Variants in NOTCH2NLR observed in about 807,000 individuals in gnomAD.
The protein encoded by NOTCH2NLR is notch 2 N-terminal like R.
Under a neutral mutation model 35.6 loss-of-function variants are expected in NOTCH2NLR, and 33 were observed. That is an observed-to-expected ratio of 0.93 (90% CI 0.70 to 1.24). The LOEUF is 1.24. Among genes scored for constraint, NOTCH2NLR ranks in the 50% most tolerant of loss-of-function variants. The probability of loss-of-function intolerance (pLI) is 0.00; values close to 1 mark genes in which losing one functional copy is unlikely to be tolerated. For synonymous variants in NOTCH2NLR, 103 were observed against 141.0 expected (o/e 0.73, Z 1.91); for missense variants, 276 against 362.2 (o/e 0.76, Z 1.93).
intron 2 of NOTCH2NLR, among the ~76,000 whole-genome samples, chr1:120,778,521 A>G (rs1651324883): frequency 1.2e-5 from 1 of 86,942 alleles, no homozygotes; most frequent in Admixed American, 1.1e-4. Context: ...GCTGTTTTGT[A>G]AAGCATGCCT....
At chr1:120,790,033 T>G (rs1458682679) in intron 3 of NOTCH2NLR, among the ~76,000 whole-genome samples, 2 of 77,148 alleles carry the variant, frequency 2.6e-5, no homozygotes, top group Admixed American at 1.2e-4. Flanking sequence ...TTTTTTTTTT[T>G]TGAGATGGAG....
Position 120,743,776 on chromosome 1 carries a change from G to T in NOTCH2NLR, c.73+19526G>T. Among the ~76,000 whole-genome samples, 2 of 125,074 alleles carry T rather than the reference G, an allele frequency of 1.6e-5. 1 individual carries two copies. The highest frequency in any genetic ancestry group is 4.3e-4 in the East Asian group (2 of 4,622). 82.1% of individuals were successfully genotyped at this position (125,074 alleles called of 152,430 possible). On this transcript the variant is annotated intron_variant, in intron 1 of 4. Transcript: ENST00000624419. ...GCCTGCATTCCAGAAGTTCTGGTATGGATAGTGTGAGCCCAGGGAATGTGC... is the reference window on the plus strand; with the variant it reads ...GCCTGCATTCCAGAAGTTCTGGTATTGATAGTGTGAGCCCAGGGAATGTGC...
intron 2 of NOTCH2NLR, among the ~76,000 whole-genome samples, chr1:120,767,998 C>G (rs1651212040): frequency 8.7e-6 from 1 of 114,576 alleles, no homozygotes; most frequent in Non-Finnish European, 1.7e-5. Context: ...CTTTACTTTA[C>G]ACATGTATGG....
At chr1:120,745,249 A>T (rs1210989297) in intron 1 of NOTCH2NLR, among the ~76,000 whole-genome samples, 1 of 108,062 alleles carries the variant, frequency 9.3e-6, no homozygotes. Context: ...CGAATGGGTC[A>T]TGAAACCAAT....
exon 4 of NOTCH2NLR, chr1:120,793,350 C>T: frequency 7.0e-7 from 1 of 1,419,234 alleles, no homozygotes; most frequent in Non-Finnish European, 9.4e-7. Flanking sequence ...CTCAACCTGC[C>T]TGGTTCCTAC....
At chr1:120,728,461 T>C (rs1181627109) in intron 1 of NOTCH2NLR, among the ~76,000 whole-genome samples, 2 of 114,622 alleles carry the variant, frequency 1.7e-5, no homozygotes, top group African/African-American at 5.2e-5. Context: ...GTGGGGTTTC[T>C]TTCTTTCTTT....
At position 120,763,655 on chromosome 1, in the gene NOTCH2NLR, C is replaced by G. The variant is rs1651157166; in HGVS notation, c.101C>G (p.Pro34Arg). The change falls in exon 2 of 5, where the codon CCC becomes CGC. Residue 34 changes from proline (P) to arginine (R), a missense_variant. Coordinates refer to ENST00000624419, the Ensembl canonical transcript of NOTCH2NLR. ...TTGCAGTGTCGAGATGGCTATGAAC[C>G]CTGTGTAAATAAAGGAATGTGTGTT... 10 of 1,411,522 alleles carry G rather than the reference C, an allele frequency of 7.1e-6. 2 individuals are homozygous for G. Among genetic ancestry groups the G allele is most frequent in the Non-Finnish European group, 8.5e-6 (9 of 1,053,812 alleles). 87.4% of individuals were successfully genotyped at this position (1,411,522 alleles called of 1,614,324 possible). A position where few individuals can be genotyped will look rare whatever the true frequency, so the allele number is the denominator to read the frequency against.
Position 120,769,906 on chromosome 1 carries a change from GAGGCAAGTA to G in NOTCH2NLR, c.155+6203_155+6211del, listed in dbSNP as rs1651242481. Among the ~76,000 whole-genome samples the G allele has an allele frequency of 1.9e-5, 2 of 106,256 alleles. 1 individual carries two copies. Among genetic ancestry groups the G allele is most frequent in the South Asian group, 5.9e-4 (2 of 3,366 alleles). The allele number at this position is 106,256 out of a possible 152,430, so 69.7% of individuals were successfully genotyped here. On this transcript the variant is annotated intron_variant, in intron 2 of 4. Transcript: ENST00000624419. ...TGAATGGCAGGGCTGGGACCATGGT[GAGGCAAGTA>G]AGGCACAGGCCTCTCTTGTGAAATT...
At chr1:120,733,154 A>G (rs1456621180) in intron 1 of NOTCH2NLR, among the ~76,000 whole-genome samples, 1 of 106,760 alleles carries the variant, frequency 9.4e-6, no homozygotes, top group Non-Finnish European at 1.7e-5. Flanking sequence ...GAACAGATCT[A>G]CATATATATA....
intron 2 of NOTCH2NLR, among the ~76,000 whole-genome samples, chr1:120,765,379 C>A: frequency 1.6e-5 from 1 of 62,108 alleles, no homozygotes; most frequent in East Asian, 3.0e-4. Context: ...GTTTCTTTTG[C>A]TAGAATGTGA....
intron 1 of NOTCH2NLR, among the ~76,000 whole-genome samples, chr1:120,733,170 G>T: frequency 1.9e-5 from 2 of 103,874 alleles, no homozygotes; most frequent in African/African-American, 6.0e-5. Context: ...ATATATATAT[G>T]CACACACACA....
intron 1 of NOTCH2NLR, among the ~76,000 whole-genome samples, chr1:120,748,113 CT>C (rs1186945714): frequency 0.48 from 14,182 of 29,676 alleles, 3,008 homozygotes; most frequent in Non-Finnish European, 0.55. Flanking sequence ...GTAAAGGCTC[CT>C]TTTTTTTTTT....
rs1216138820 is a variant in NOTCH2NLR, at chr1:120,775,710, T to C, written c.156-9264T>C. 7.2e-4 allele frequency among the ~76,000 whole-genome samples: 49 copies of C among 67,752 alleles called. 1 individual carries two copies. The highest frequency in any genetic ancestry group is 1.0e-3 in the Admixed American group (7 of 6,928). The allele number at this position is 67,752 out of a possible 152,430, so 44.4% of individuals were successfully genotyped here. A position where few individuals can be genotyped will look rare whatever the true frequency, so the allele number is the denominator to read the frequency against. On this transcript the variant is annotated intron_variant, in intron 2 of 4. Transcript: ENST00000624419. ...ACCACTTTGTAGGATTTTTTTTTTT[T>C]TTAGTCAGGGCTCCAGGTCCCTGGT...
At position 120,770,251 on chromosome 1, in the gene NOTCH2NLR, G is replaced by A. The variant is rs1651247463; in HGVS notation, c.155+6542G>A. On this transcript the variant is annotated intron_variant, in intron 2 of 4. Coordinates refer to ENST00000624419, the Ensembl canonical transcript of NOTCH2NLR. ...GTGGCGCTTTCTTGGCTCACTGCAAGCTCCGCCTCCCGGGTTCATGCCATT... is the reference window on the plus strand; with the variant it reads ...GTGGCGCTTTCTTGGCTCACTGCAAACTCCGCCTCCCGGGTTCATGCCATT... Among the ~76,000 whole-genome samples the A allele has an allele frequency of 2.9e-5, 3 of 104,112 alleles. 1 individual carries two copies. The highest frequency in any genetic ancestry group is 1.3e-4 in the African/African-American group (2 of 15,796). The allele number at this position is 104,112 out of a possible 152,430, so 68.3% of individuals were successfully genotyped here. A position where few individuals can be genotyped will look rare whatever the true frequency, so the allele number is the denominator to read the frequency against.
intron 1 of NOTCH2NLR, among the ~76,000 whole-genome samples, chr1:120,759,928 T>C (rs1191056191): frequency 9.8e-6 from 1 of 101,588 alleles, no homozygotes; most frequent in Non-Finnish European, 1.8e-5. Context: ...ACAAAAAAAT[T>C]CTTCTTGTGT....
chr1:120,783,842 TA>T (rs1297029960), intron 2 of NOTCH2NLR, among the ~76,000 whole-genome samples: 1 of 108,802 alleles, frequency 9.2e-6, no homozygotes, highest in Non-Finnish European at 1.7e-5. Flanking sequence ...GAAGCCAAGG[TA>T]AAATGATTAA....
chr1:120,747,463 C>G (rs1650990145), intron 1 of NOTCH2NLR, among the ~76,000 whole-genome samples: 1 of 29,388 alleles, frequency 3.4e-5, no homozygotes, highest in Admixed American at 2.9e-4. Context: ...CATATGTATC[C>G]TACTTTATGA....
At chr1:120,724,740 G>C (rs1395648967) in intron 1 of NOTCH2NLR, among the ~76,000 whole-genome samples, 1 of 121,294 alleles carries the variant, frequency 8.2e-6, no homozygotes, top group East Asian at 2.1e-4. Context: ...GGCGGCACAT[G>C]GGCCGGGTGT....
At chr1:120,758,181 G>A in intron 1 of NOTCH2NLR, among the ~76,000 whole-genome samples, 1 of 123,784 alleles carries the variant, frequency 8.1e-6, no homozygotes, top group East Asian at 2.0e-4. Context: ...GGAAGTGGTG[G>A]GGAGTAATAC....
Sources: gnomAD v4.1 joint callset for allele counts (sites outside exome capture counted in the v4.1 genomes callset) on GRCh38, gnomAD v4.1.1 for gene constraint, MANE v1.5 for transcripts, NCBI Gene and HGNC (gene_info 2026-07-23, HGNC 2026-07-21) for gene names.